Variants in CNTNAP5 observed in about 807,000 individuals in gnomAD.
The protein encoded by CNTNAP5 is contactin associated protein family member 5.
Under a neutral mutation model 150.2 loss-of-function variants are expected in CNTNAP5, and 72 were observed. The observed-to-expected ratio is 0.48, with a 90% CI of 0.40 to 0.58. The LOEUF is 0.58. CNTNAP5 is among the 20% of genes least tolerant of loss of function. The probability of loss-of-function intolerance (pLI) is 0.00; values close to 1 mark genes in which losing one functional copy is unlikely to be tolerated. For synonymous variants in CNTNAP5, 672 were observed against 619.8 expected (o/e 1.08, Z -1.25); for missense variants, 1,636 against 1,626.2 (o/e 1.01, Z -0.10).
At chr2:124,129,068 A>C (rs1683785162) in intron 1 of CNTNAP5, among the ~76,000 whole-genome samples, 1 of 151,854 alleles carries the variant, frequency 6.6e-6, no homozygotes, top group African/African-American at 2.4e-5. Context: ...AATAAAAATA[A>C]ATAAATAAAT....
At chr2:124,883,725 C>T (rs11686448) in intron 21 of CNTNAP5, among the ~76,000 whole-genome samples, 5,094 of 152,066 alleles carry the variant, frequency 0.033, 112 homozygotes, top group Non-Finnish European at 0.054. Context: ...TATATTCGTG[C>T]GTGGGTTTGT....
chr2:124,123,747 A>G (rs1683622284), intron 1 of CNTNAP5, among the ~76,000 whole-genome samples: 1 of 152,158 alleles, frequency 6.6e-6, no homozygotes, highest in Non-Finnish European at 1.5e-5. Flanking sequence ...CCATTCTGCA[A>G]TATTTGCGGT....
Position 124,789,945 on chromosome 2 carries a change from C to G in CNTNAP5, c.2796C>G (p.Arg932=), listed in dbSNP as rs779320221. Residue 932 remains arginine, a synonymous_variant, in exon 18 of 24, where the codon CGC becomes CGG. Coordinates refer to ENST00000682447, the MANE Select transcript of CNTNAP5 (RefSeq NM_001367498.1). ...SRQKGFLGCI[R]SLHLNGQKMD... is the part of the protein sequence containing the mutation. ...AGAAAGGCTTCCTAGGATGCATTCG[C>G]TCCTTACACTTGAATGGACAGAAAA... 4 of 1,613,708 alleles carry G rather than the reference C, an allele frequency of 2.5e-6. No homozygotes were observed. Among genetic ancestry groups the G allele is most frequent in the Admixed American group, 3.3e-5 (2 of 60,004 alleles).
chr2:124,390,499 C>T (rs567798274), intron 3 of CNTNAP5, among the ~76,000 whole-genome samples: 13 of 152,208 alleles, frequency 8.5e-5, no homozygotes, highest in East Asian at 3.9e-4. Context: ...AATAACACCA[C>T]GAGGACAAAG....
chr2:124,435,067 G>A (rs13008912), intron 5 of CNTNAP5, among the ~76,000 whole-genome samples: 76,731 of 151,900 alleles, frequency 0.51, 19,493 homozygotes, highest in South Asian at 0.63. Context: ...AAAATGACGG[G>A]GAAACATTTT....
At chr2:124,265,548 A>C (rs1687584462) in intron 3 of CNTNAP5, among the ~76,000 whole-genome samples, 1 of 152,204 alleles carries the variant, frequency 6.6e-6, no homozygotes, top group South Asian at 2.1e-4. Flanking sequence ...CTGTGCTTCC[A>C]GGAAGCATTC....
chr2:124,077,966 C>T (rs1302001879), intron 1 of CNTNAP5, among the ~76,000 whole-genome samples: 1 of 152,124 alleles, frequency 6.6e-6, no homozygotes, highest in African/African-American at 2.4e-5. Flanking sequence ...TGCAGAGTTT[C>T]TAGTGAAGTT....
chr2:124,446,976 G>C (rs757396691), intron 6 of CNTNAP5, 39 bp downstream of exon 6: 2 of 1,583,614 alleles, frequency 1.3e-6, no homozygotes, highest in East Asian at 2.2e-5. Flanking sequence ...TCGGCCCCTT[G>C]CTTCAATGAA....
intron 13 of CNTNAP5, among the ~76,000 whole-genome samples, chr2:124,741,954 C>A (rs1680505610): frequency 1.3e-5 from 2 of 152,018 alleles, no homozygotes; most frequent in Non-Finnish European, 1.5e-5. Context: ...TGAGATAATT[C>A]TTTTCCAAGT....
chr2:124,325,386 G>A (rs1689191354), intron 3 of CNTNAP5, among the ~76,000 whole-genome samples: 1 of 152,192 alleles, frequency 6.6e-6, no homozygotes, highest in South Asian at 2.1e-4. Context: ...GCGTTTTCAT[G>A]ATGAGGTAGT....
chr2:124,074,236 C>A (rs1682383230), intron 1 of CNTNAP5, among the ~76,000 whole-genome samples: 1 of 151,710 alleles, frequency 6.6e-6, no homozygotes, highest in East Asian at 1.9e-4. Context: ...TTAATGGGTA[C>A]AAAAAGTAGT....
At chr2:124,031,704 T>G (rs1199023974) in intron 1 of CNTNAP5, among the ~76,000 whole-genome samples, 1 of 152,188 alleles carries the variant, frequency 6.6e-6, no homozygotes, top group Non-Finnish European at 1.5e-5. Flanking sequence ...TTTATGGAAT[T>G]TTAATGAGTG....
chr2:124,168,943 A>G (rs1243594310), intron 1 of CNTNAP5, among the ~76,000 whole-genome samples: 2 of 152,186 alleles, frequency 1.3e-5, no homozygotes, highest in Non-Finnish European at 1.5e-5. Context: ...TACCTCTGAC[A>G]TAGCACACCT....
chr2:124,848,619 AG>A (rs1292485222), intron 19 of CNTNAP5, among the ~76,000 whole-genome samples: 1 of 152,162 alleles, frequency 6.6e-6, no homozygotes, highest in Non-Finnish European at 1.5e-5. Flanking sequence ...TCCCACCAAC[AG>A]TGTACAAGGG....
chr2:124,096,941 C>A (rs964524168), intron 1 of CNTNAP5, among the ~76,000 whole-genome samples: 3 of 152,042 alleles, frequency 2.0e-5, no homozygotes, highest in Admixed American at 1.3e-4. Context: ...TGAACTCAGG[C>A]AATCCACCTG....
chr2:124,230,727 T>C (rs1573853572), intron 2 of CNTNAP5, among the ~76,000 whole-genome samples: 1 of 151,990 alleles, frequency 6.6e-6, no homozygotes, highest in African/African-American at 2.4e-5. Context: ...AGACAGGGTT[T>C]CACCATATTG....
At chr2:124,041,011 A>T (rs1489455624) in intron 1 of CNTNAP5, among the ~76,000 whole-genome samples, 1 of 152,182 alleles carries the variant, frequency 6.6e-6, no homozygotes, top group East Asian at 1.9e-4. Flanking sequence ...AATCTTTCCT[A>T]GCCATGAATG....
intron 1 of CNTNAP5, among the ~76,000 whole-genome samples, chr2:124,078,614 G>T (rs937267826): frequency 1.3e-5 from 2 of 152,146 alleles, no homozygotes; most frequent in African/African-American, 4.8e-5. Flanking sequence ...TACAATTTTT[G>T]CCAGCTCTGA....
rs540005208 is a variant in CNTNAP5 at position 124,669,074 on chromosome 2, G to C, written c.2077+21116G>C. On this transcript the variant is annotated intron_variant, in intron 13 of 23. Coordinates refer to ENST00000682447, the MANE Select transcript of CNTNAP5 (RefSeq NM_001367498.1). ...TGATTTATTCAGAATAATTCAGCAT[G>C]TGTTCTTTCTGCTCCCTTTTTATGT... Among the ~76,000 whole-genome samples the C allele has an allele frequency of 3.3e-5, 5 of 152,294 alleles. No individual in the cohort carries two copies. The South Asian group carries it at 1.0e-3, about 32-fold the overall frequency.
Sources: allele counts gnomAD v4.1 joint callset (sites outside exome capture counted in the v4.1 genomes callset), GRCh38; gene constraint gnomAD v4.1.1; transcripts MANE v1.5; gene names NCBI Gene and HGNC (gene_info 2026-07-23, HGNC 2026-07-21).